Variants in CDH18 observed in about 807,000 individuals in gnomAD.
CDH18 encodes the protein cadherin 18.
Under a neutral mutation model 67.9 loss-of-function variants are expected in CDH18, and 31 were observed. The observed-to-expected ratio is 0.46, with a 90% CI of 0.34 to 0.62. The LOEUF is 0.62. Among genes scored for constraint, CDH18 ranks in the 20% least tolerant of loss-of-function variants. The pLI is 0.01. For missense variants in CDH18, 890 were observed against 975.5 expected (o/e 0.91, Z 1.17); for synonymous variants, 362 against 347.2 (o/e 1.04, Z -0.48).
At chr5:19,804,575 A>T (rs1777843005) in intron 3 of CDH18, among the ~76,000 whole-genome samples, 1 of 152,194 alleles carries the variant, frequency 6.6e-6, no homozygotes, top group Non-Finnish European at 1.5e-5. Context: ...TCAGGTATAT[A>T]AGCTCAGAAA....
At chr5:19,658,685 G>A (rs1052714067) in intron 5 of CDH18, among the ~76,000 whole-genome samples, 1 of 150,730 alleles carries the variant, frequency 6.6e-6, no homozygotes, top group Non-Finnish European at 1.5e-5. Flanking sequence ...AAATTTTAGG[G>A]TACATGTGCA....
At chr5:20,390,567 AAGAC>A (rs1225739521) in intron 1 of CDH18, among the ~76,000 whole-genome samples, 3 of 152,194 alleles carry the variant, frequency 2.0e-5, no homozygotes, top group African/African-American at 7.2e-5. Flanking sequence ...AATCATGTGT[AAGAC>A]AGCATGGTGA....
At chr5:19,818,216 CTT>C (rs1779493831) in intron 3 of CDH18, among the ~76,000 whole-genome samples, 2 of 152,036 alleles carry the variant, frequency 1.3e-5, no homozygotes, top group African/African-American at 4.8e-5. Flanking sequence ...ATTAAAGAGA[CTT>C]AACAATTGTA....
chr5:20,379,101 A>G (rs528987183), intron 1 of CDH18, among the ~76,000 whole-genome samples: 1 of 152,270 alleles, frequency 6.6e-6, no homozygotes, highest in South Asian at 2.1e-4. Flanking sequence ...TTTTGAATAT[A>G]CATTCAAAAT....
rs190009387 is a variant in CDH18 at position 20,300,600 on chromosome 5, T to G, written c.-579-45095A>C. Among the ~76,000 whole-genome samples, 346 of 152,226 alleles carry G rather than the reference T, an allele frequency of 2.3e-3. 2 individuals are homozygous for G. Among genetic ancestry groups the G allele is most frequent in the African/African-American group, 8.1e-3 (336 of 41,534 alleles). On this transcript the variant is annotated intron_variant, in intron 1 of 14. Coordinates refer to the CDH18 transcript ENST00000507958. Reference sequence around the variant, plus strand: ...TTGAGATTCCCCATATCCTTAAGAATAAATCGGTCAATCATCAAGAGAATA... The same window carrying G: ...TTGAGATTCCCCATATCCTTAAGAAGAAATCGGTCAATCATCAAGAGAATA...
At position 20,525,801 on chromosome 5, in the gene CDH18, TACACACACACAC is replaced by T. The variant is rs61256041; in HGVS notation, c.-580+49649_-580+49660del. Among the ~76,000 whole-genome samples the T allele has an allele frequency of 4.0e-5, 6 of 148,926 alleles. No homozygotes were observed. The East Asian group carries it at 1.0e-3, about 25-fold the overall frequency. On this transcript the variant is annotated intron_variant, in intron 1 of 14. Coordinates refer to the CDH18 transcript ENST00000507958. ...TCAATTATTTTATATGCTTCCACTA[TACACACACACAC>T]ACACACACACACACACACATTGAGC... is the stretch of plus-strand genomic sequence containing the variant.
chr5:19,954,826 C>T (rs1796103334), intron 2 of CDH18, among the ~76,000 whole-genome samples: 1 of 151,010 alleles, frequency 6.6e-6, no homozygotes, highest in African/African-American at 2.5e-5. Flanking sequence ...ACAAGAAGCA[C>T]CTGTTATGAA....
At chr5:19,568,203 G>A (rs757909715) in intron 8 of CDH18, among the ~76,000 whole-genome samples, 3 of 152,220 alleles carry the variant, frequency 2.0e-5, no homozygotes, top group South Asian at 2.1e-4. Flanking sequence ...CTAGATGCCA[G>A]TAACACCCTA....
chr5:19,550,076 C>A (rs1737136469), intron 8 of CDH18, among the ~76,000 whole-genome samples: 1 of 151,812 alleles, frequency 6.6e-6, no homozygotes, highest in African/African-American at 2.4e-5. Flanking sequence ...TTTGGAATTC[C>A]TTCAGAGGTG....
At chr5:19,482,642 G>A (rs1458555763) in intron 12 of CDH18, among the ~76,000 whole-genome samples, 3 of 151,748 alleles carry the variant, frequency 2.0e-5, no homozygotes, top group Non-Finnish European at 4.4e-5. Context: ...GCAACATGAT[G>A]ATGTTTTCCC....
chr5:19,686,638 T>C (rs1443330141), intron 5 of CDH18, among the ~76,000 whole-genome samples: 1 of 152,158 alleles, frequency 6.6e-6, no homozygotes, highest in Non-Finnish European at 1.5e-5. Flanking sequence ...TGTAAACGAA[T>C]GTAGAATTTT....
chr5:20,556,449 G>T (rs548889779), intron 1 of CDH18, among the ~76,000 whole-genome samples: 2 of 152,038 alleles, frequency 1.3e-5, no homozygotes, highest in African/African-American at 4.8e-5. Context: ...ACTCATCCCC[G>T]GCCAAATACT....
chr5:19,902,844 T>A (rs12658322), intron 2 of CDH18, among the ~76,000 whole-genome samples: 1 of 151,950 alleles, frequency 6.6e-6, no homozygotes, highest in Admixed American at 6.6e-5. Context: ...TATCTATCTA[T>A]ATCTTGCAAG....
chr5:19,697,297 G>A (rs1209577702), intron 5 of CDH18, among the ~76,000 whole-genome samples: 3 of 152,144 alleles, frequency 2.0e-5, no homozygotes, highest in African/African-American at 7.2e-5. Flanking sequence ...TATTTGGAAT[G>A]AGAATAATTA....
chr5:19,964,221 T>C (rs949469135), intron 2 of CDH18, among the ~76,000 whole-genome samples: 2 of 152,108 alleles, frequency 1.3e-5, no homozygotes, highest in Non-Finnish European at 2.9e-5. Flanking sequence ...TTTCATAATA[T>C]AATAGATTCA....
At chr5:19,578,671 T>A (rs1344351164) in intron 7 of CDH18, among the ~76,000 whole-genome samples, 1 of 152,054 alleles carries the variant, frequency 6.6e-6, no homozygotes, top group African/African-American at 2.4e-5. Flanking sequence ...TTATTCTTTT[T>A]AGTCGATGTC....
chr5:20,239,372 C>T (rs1256396153), intron 2 of CDH18, among the ~76,000 whole-genome samples: 1 of 152,170 alleles, frequency 6.6e-6, no homozygotes, highest in African/African-American at 2.4e-5. Context: ...AGGAGAATGG[C>T]ATGAACCCGG....
intron 2 of CDH18, among the ~76,000 whole-genome samples, chr5:20,047,678 A>G (rs1741029673): frequency 6.6e-6 from 1 of 151,814 alleles, no homozygotes. Context: ...TTCATTACAG[A>G]AAAGCCATTA....
At chr5:19,845,226 G>A (rs1782794372) in intron 2 of CDH18, among the ~76,000 whole-genome samples, 1 of 151,798 alleles carries the variant, frequency 6.6e-6, no homozygotes, top group African/African-American at 2.4e-5. Flanking sequence ...CTTGTTGGTT[G>A]ACCCCAGGAT....
Sources: allele counts gnomAD v4.1 joint callset (sites outside exome capture counted in the v4.1 genomes callset), GRCh38; gene constraint gnomAD v4.1.1; transcripts MANE v1.5; gene names NCBI Gene and HGNC (gene_info 2026-07-23, HGNC 2026-07-21).